Variants in LRRC75A observed in about 807,000 individuals in gnomAD.
LRRC75A encodes leucine rich repeat containing 75A.
In LRRC75A, 12 loss-of-function variants were observed where a neutral mutation model predicts 26.0. That is an observed-to-expected ratio of 0.46 (90% CI 0.30 to 0.75). LRRC75A has a LOEUF of 0.75. Among genes scored for constraint, LRRC75A ranks in the 30% least tolerant of loss-of-function variants. The probability of loss-of-function intolerance (pLI) is 0.08; values close to 1 mark genes in which losing one functional copy is unlikely to be tolerated. For synonymous variants in LRRC75A, 223 were observed against 219.3 expected, an observed-to-expected ratio of 1.02 and a Z score of -0.15; for missense variants, 410 against 486.6, an observed-to-expected ratio of 0.84 and a Z score of 1.48.
intron 1 of LRRC75A, among the ~76,000 whole-genome samples, chr17:16,486,482 T>C (rs1486913739): frequency 6.6e-6 from 1 of 152,206 alleles, no homozygotes; most frequent in Non-Finnish European, 1.5e-5. Flanking sequence ...CTCTGCATCT[T>C]TATCACTGGA....
chr17:16,476,110 G>A (rs1428849042), intron 1 of LRRC75A, among the ~76,000 whole-genome samples: 1 of 152,068 alleles, frequency 6.6e-6, no homozygotes, highest in Non-Finnish European at 1.5e-5. Flanking sequence ...CAGGAGAATG[G>A]CATGAATCCG....
At position 16,492,089 on chromosome 17, in the gene LRRC75A, C is replaced by G. The variant is rs2093858870; in HGVS notation, c.-99G>C. ...CGCCCGTGCGCGCTCGCCTCCCGGG[C>G]TGCAACTTTGGGGGAACTGTTGCGC... On this transcript the variant is annotated 5_prime_UTR_variant, in exon 1 of 4. Transcript: ENST00000470794. 2.0e-6 allele frequency: 2 copies of G among 1,022,800 alleles called. No individual in the cohort carries two copies. The highest frequency in any genetic ancestry group is 1.7e-4 in the East Asian group (2 of 11,542). 63.4% of individuals were successfully genotyped at this position (1,022,800 alleles called of 1,614,324 possible).
intron 2 of LRRC75A, among the ~76,000 whole-genome samples, chr17:16,450,658 C>T (rs1022795500): frequency 6.6e-6 from 1 of 152,178 alleles, no homozygotes; most frequent in Non-Finnish European, 1.5e-5. Context: ...CTGAACCTGG[C>T]CACATGACTG....
At chr17:16,476,607 C>G (rs2093820228) in intron 1 of LRRC75A, among the ~76,000 whole-genome samples, 1 of 151,860 alleles carries the variant, frequency 6.6e-6, no homozygotes, top group South Asian at 2.1e-4. Flanking sequence ...CTCTGTCACC[C>G]AGGCTGGAGT....
At chr17:16,483,168 C>T (rs1420443985) in intron 1 of LRRC75A, among the ~76,000 whole-genome samples, 2 of 152,234 alleles carry the variant, frequency 1.3e-5, no homozygotes, top group Non-Finnish European at 2.9e-5. Context: ...GCAGAGCCTG[C>T]CCCAGCCTCA....
chr17:16,452,032 G>A (rs562167587), intron 2 of LRRC75A, among the ~76,000 whole-genome samples: 7 of 147,958 alleles, frequency 4.7e-5, no homozygotes, highest in East Asian at 2.0e-4. Context: ...CACCGCGCCC[G>A]GCCTGGAATC....
rs1407505936 is a variant in LRRC75A at position 16,488,316 on chromosome 17, G to T, written c.246+3429C>A. ...ATCTCCACGAGCATTCGCTCCAGAT[G>T]CTTCTAAATGTGCAGTGAGTTTTTG... On this transcript the variant is annotated intron_variant, in intron 1 of 3. Coordinates refer to ENST00000470794, the MANE Select transcript of LRRC75A (RefSeq NM_001113567.3). 2.6e-5 allele frequency among the ~76,000 whole-genome samples: 4 copies of T among 152,332 alleles called. No individual in the cohort carries two copies. The East Asian group carries it at 7.7e-4, about 29-fold the overall frequency.
In LRRC75A at chr17:16,456,195, GAGGAGGAA is replaced by G. The variant is rs1251673872; in HGVS notation, c.375+6055_375+6062del. 5.4e-3 allele frequency among the ~76,000 whole-genome samples: 469 copies of G among 86,878 alleles called. 48 individuals are homozygous for G. The East Asian group carries it at 0.098, about 18-fold the overall frequency. 57.0% of individuals were successfully genotyped at this position (86,878 alleles called of 152,430 possible). On this transcript the variant is annotated intron_variant, in intron 2 of 3. Transcript: ENST00000470794. Reference sequence around the variant, plus strand: ...GGGTAGGAGGAGGAAGAGGAGGAAGGAGGAGGAAGAGGAGGAGGAAGAGGAGGAAGAAG... The same window carrying G: ...GGGTAGGAGGAGGAAGAGGAGGAAGGGAGGAGGAGGAAGAGGAGGAAGAAG...
chr17:16,445,804 T>C (rs2093579475), intron 3 of LRRC75A, among the ~76,000 whole-genome samples: 1 of 152,262 alleles, frequency 6.6e-6, no homozygotes, highest in African/African-American at 2.4e-5. Flanking sequence ...AGGGAAGCAG[T>C]GTGGTGGTGA....
intron 1 of LRRC75A, among the ~76,000 whole-genome samples, chr17:16,477,680 C>T (rs998016909): frequency 6.6e-6 from 1 of 152,174 alleles, no homozygotes; most frequent in South Asian, 2.1e-4. Context: ...CCAGCAGGAG[C>T]CAGGAGGAAC....
In LRRC75A at chr17:16,442,184, G is replaced by C. The variant is rs1380799641; in HGVS notation, c.*1404C>G. The C allele has an allele frequency of 6.6e-6, 1 of 152,240 alleles. No homozygotes were observed. The highest frequency in any genetic ancestry group is 1.5e-5 in the Non-Finnish European group (1 of 68,128). 9.4% of individuals were successfully genotyped at this position (152,240 alleles called of 1,614,324 possible). On this transcript the variant is annotated 3_prime_UTR_variant, in exon 4 of 4. Transcript: ENST00000470794. Reference sequence around the variant, plus strand: ...GAAGGCAAAAGCTCAAAGCATTTAAGGCCTCCTCAATTTCGGCCCCTGCTG... The same window carrying C: ...GAAGGCAAAAGCTCAAAGCATTTAACGCCTCCTCAATTTCGGCCCCTGCTG...
At chr17:16,485,631 A>AGTGTGTGTGTGTGTGTGT (rs35125617) in intron 1 of LRRC75A, among the ~76,000 whole-genome samples, 83 of 128,444 alleles carry the variant, frequency 6.5e-4, no homozygotes, top group African/African-American at 1.2e-3. Flanking sequence ...CAGGACAAGC[A>AGTGTGTGTGTGTGTGTGT]GTGTGTGTGT....
At chr17:16,461,786 A>G (rs1356156417) in intron 2 of LRRC75A, among the ~76,000 whole-genome samples, 1 of 152,214 alleles carries the variant, frequency 6.6e-6, no homozygotes, top group Admixed American at 6.5e-5. Flanking sequence ...AAGGGCTTGC[A>G]CCAGGGCTCA....
chr17:16,488,175 A>G (rs2093850749), intron 1 of LRRC75A, among the ~76,000 whole-genome samples: 1 of 152,214 alleles, frequency 6.6e-6, no homozygotes, highest in Non-Finnish European at 1.5e-5. Context: ...GGGCTCCTTA[A>G]AGACAGCAGG....
chr17:16,488,723 AG>A (rs2093851690), intron 1 of LRRC75A, among the ~76,000 whole-genome samples: 1 of 152,208 alleles, frequency 6.6e-6, no homozygotes, highest in African/African-American at 2.4e-5. Flanking sequence ...TGTTCCTTCA[AG>A]GCAGCTGCCT....
chr17:16,463,263 G>A (rs986719439), intron 1 of LRRC75A: 1 of 152,170 alleles, frequency 6.6e-6, no homozygotes. Context: ...GAGACATGAC[G>A]TGCCTGCCCT....
Position 16,491,868 on chromosome 17 carries a change from CG to C in LRRC75A, c.122del (p.Ala41GlyfsTer51). On this transcript the variant is annotated frameshift_variant, in exon 1 of 4. Transcript: ENST00000470794. LOFTEE classifies it high-confidence loss of function. This position sits in a 1 kb window ranked among gnomAD's most constrained non-coding sequence, Gnocchi z 5.9. ...ASLLLRAGDKAGRAGAGMPPY... is the reference protein window; with the variant it reads ...ASLLLRAGDKXGRAGAGMPPY... The stretch of plus-strand genomic sequence containing the variant: ...GGGGCATCCCCGCGCCCGCGCGCCC[CG>C]CCTTGTCCCCGGCGCGCAGCAGCAG... The C allele has an allele frequency of 1.4e-6, 2 of 1,380,368 alleles. No individual in the cohort carries two copies. The highest frequency in any genetic ancestry group is 1.9e-6 in the Non-Finnish European group (2 of 1,062,646). 85.5% of individuals were successfully genotyped at this position (1,380,368 alleles called of 1,614,324 possible). A position where few individuals can be genotyped will look rare whatever the true frequency, so the allele number is the denominator to read the frequency against.
intron 1 of LRRC75A, among the ~76,000 whole-genome samples, chr17:16,464,489 G>C (rs1347393539): frequency 2.0e-5 from 3 of 152,250 alleles, no homozygotes; most frequent in African/African-American, 2.4e-5. Context: ...ATCACAAGGA[G>C]GCAAGGGGAA....
At position 16,486,392 on chromosome 17, in the gene LRRC75A, A is replaced by G. The variant is rs1257343113; in HGVS notation, c.246+5353T>C. On this transcript the variant is annotated intron_variant, in intron 1 of 3. Coordinates refer to ENST00000470794, the MANE Select transcript of LRRC75A (RefSeq NM_001113567.3). ...ACAGCCCCTGCGGTCGTGCTTAGCCACTACAGAGGCTGCTATTTCCCCAGC... is the reference window on the plus strand; with the variant it reads ...ACAGCCCCTGCGGTCGTGCTTAGCCGCTACAGAGGCTGCTATTTCCCCAGC... Among the ~76,000 whole-genome samples, 4 of 152,180 alleles carry G rather than the reference A, an allele frequency of 2.6e-5. No individual in the cohort carries two copies. In the East Asian group the frequency reaches 7.7e-4, roughly 29 times the overall value.
Sources: allele counts gnomAD v4.1 joint callset (sites outside exome capture counted in the v4.1 genomes callset), GRCh38; gene constraint gnomAD v4.1.1; non-coding constraint Gnocchi (gnomAD v3.1); transcripts MANE v1.5; gene names NCBI Gene and HGNC (gene_info 2026-07-23, HGNC 2026-07-21).